Variants in KMT2C observed in about 807,000 individuals in gnomAD.
KMT2C encodes the protein lysine methyltransferase 2C, also known as histone-lysine N-methyltransferase 2C.
In KMT2C, 88 loss-of-function variants were observed where a neutral mutation model predicts 507.9. That is an observed-to-expected ratio of 0.17 (90% CI 0.15 to 0.21). The LOEUF (loss-of-function observed/expected upper bound fraction) is 0.21. Among genes scored for constraint, KMT2C ranks in the 10% least tolerant of loss-of-function variants. KMT2C has a pLI of 1.00. For missense variants in KMT2C, 4,954 were observed against 5,957.8 expected (o/e 0.83, Z 5.55); for synonymous variants, 2,049 against 2,080.8 (o/e 0.98, Z 0.42).
chr7:152,367,908 G>C (rs2097260420), intron 1 of KMT2C: 2 of 1,043,598 alleles, frequency 1.9e-6, no homozygotes, highest in Admixed American at 3.5e-5. Flanking sequence ...GCATGAAAAA[G>C]TGATTATCAT....
rs777891322 is a variant in KMT2C at position 152,146,582 on chromosome 7, C to G, written c.14031+17G>C. 6.2e-7 allele frequency: 1 copy of G among 1,613,432 alleles called. No homozygotes were observed. The highest frequency in any genetic ancestry group is 8.5e-7 in the Non-Finnish European group (1 of 1,179,508). ...AGGAAAGCAATTCCAATCTCAAAGC[C>G]TGACCAAGACACTCACTGATTCCGC... On this transcript the variant is annotated intron_variant, in intron 53 of 58. Transcript: ENST00000262189.
intron 6 of KMT2C, among the ~76,000 whole-genome samples, chr7:152,275,398 G>A (rs2096063957): frequency 6.6e-6 from 1 of 152,164 alleles, no homozygotes; most frequent in Non-Finnish European, 1.5e-5. Context: ...CAAAAAATTA[G>A]CCAGACGTGG....
Position 152,138,773 on chromosome 7 carries a change from G to A in KMT2C, c.14643+23C>T, listed in dbSNP as rs2129089139. On this transcript the variant is annotated intron_variant, in intron 58 of 58. Coordinates refer to ENST00000262189, the MANE Select transcript of KMT2C (RefSeq NM_170606.3). The surrounding 1 kb of genome is among the most constrained non-coding windows in gnomAD (Gnocchi z 4.2). ...CGCCCAGGATCTGAACAACATGGCA[G>A]ATGCAATCTCTCACACTCTTACCTC... 7.1e-7 allele frequency: 1 copy of A among 1,410,156 alleles called. No homozygotes were observed. The highest frequency in any genetic ancestry group is 1.4e-5 in the African/African-American group (1 of 70,182). 87.4% of individuals were successfully genotyped at this position (1,410,156 alleles called of 1,614,324 possible).
In KMT2C at chr7:152,176,573, C is replaced by A. The variant is rs138942112; in HGVS notation, c.8880G>T (p.Pro2960=). ...HVSSLPPFIA[P]PGRVLDNAMN... ...TGGCATTATCCAAAACACGGCCAGG[C>A]GGTGCTATGAAAGGAGGCAAACTTG... The change falls in exon 38 of 59, where the codon CCG becomes CCT. Residue 2960 remains proline, a synonymous_variant. Coordinates refer to ENST00000262189, the MANE Select transcript of KMT2C (RefSeq NM_170606.3). 7 of 1,614,090 alleles carry A rather than the reference C, an allele frequency of 4.3e-6. No homozygotes were observed. In the East Asian group the frequency reaches 1.1e-4, roughly 26 times the overall value.
At position 152,421,620 on chromosome 7, in the gene KMT2C, G is replaced by A. The variant is rs542269514; in HGVS notation, c.161+14006C>T. Among the ~76,000 whole-genome samples the A allele has an allele frequency of 6.0e-4, 92 of 152,290 alleles. 1 individual carries two copies. Among genetic ancestry groups the A allele is most frequent in the African/African-American group, 1.8e-3 (75 of 41,562 alleles). On this transcript the variant is annotated intron_variant, in intron 1 of 58. Transcript: ENST00000262189. ...TGGATGCAGTTGGAGGCCATTATTC[G>A]TAAGCGAATTAATTAACAGAAAGCC...
intron 9 of KMT2C, among the ~76,000 whole-genome samples, chr7:152,255,157 A>ATATATATATATATGTGTG (rs767823858): frequency 1.6e-5 from 2 of 128,372 alleles, no homozygotes; most frequent in African/African-American, 6.1e-5. Context: ...ATATATATAT[A>ATATATATATATATGTGTG]TGTGTGTGTG....
Position 152,394,349 on chromosome 7 carries a change from C to T in KMT2C, c.162-35674G>A, listed in dbSNP as rs1490423541. 5.3e-5 allele frequency among the ~76,000 whole-genome samples: 8 copies of T among 152,302 alleles called. No individual in the cohort carries two copies. In the South Asian group the frequency reaches 8.3e-4, roughly 16 times the overall value. On this transcript the variant is annotated intron_variant, in intron 1 of 58. Transcript: ENST00000262189. ...AGGCCCTGCACAATCTGACTCCCCA[C>T]GCTACTTCTCTTATGATGTTTTCTC...
At chr7:152,363,047 C>T (rs577161044) in intron 1 of KMT2C, among the ~76,000 whole-genome samples, 1 of 152,326 alleles carries the variant, frequency 6.6e-6, no homozygotes, top group Admixed American at 6.5e-5. Flanking sequence ...TAATCAAACA[C>T]TATATTCTGA....
Position 152,163,446 on chromosome 7 carries a change from A to C in KMT2C, c.10131T>G (p.Ser3377Arg). 6.2e-7 allele frequency: 1 copy of C among 1,614,098 alleles called. No homozygotes were observed. Among genetic ancestry groups the C allele is most frequent in the South Asian group, 1.1e-5 (1 of 91,082 alleles). Reference sequence around the variant, plus strand: ...CAAATTCTACCCGAGGTGGTGGTCCACTCTGTGGATTTGCATTTGAGACTG... The same window carrying C: ...CAAATTCTACCCGAGGTGGTGGTCCCCTCTGTGGATTTGCATTTGAGACTG... ...PGTVSNANPQSGPPPRVEFDD... is the reference protein window; with the variant it reads ...PGTVSNANPQRGPPPRVEFDD... The change falls in exon 43 of 59, where the codon AGT becomes AGG. Residue 3377 changes from serine to arginine, a missense_variant. Ser to Arg is a moderately radical substitution (Grantham distance 110). This residue lies in a region of KMT2C where 801 missense variants were observed against 751.2 expected (regional missense o/e 1.07). Transcript: ENST00000262189.
chr7:152,313,003 C>A (rs2096686877), intron 4 of KMT2C, among the ~76,000 whole-genome samples: 1 of 152,092 alleles, frequency 6.6e-6, no homozygotes, highest in South Asian at 2.1e-4. Flanking sequence ...AAAGTATTAA[C>A]ATATTTCAAT....
intron 1 of KMT2C, among the ~76,000 whole-genome samples, chr7:152,434,878 C>T (rs1444500530): frequency 6.6e-6 from 1 of 152,234 alleles, no homozygotes; most frequent in African/African-American, 2.4e-5. Flanking sequence ...GCACTCTCTC[C>T]GAATAAGTGC....
chr7:152,424,936 G>T lies in KMT2C; in HGVS notation c.161+10690C>A, dbSNP rs960417267. Among the ~76,000 whole-genome samples, 70 of 152,122 alleles carry T rather than the reference G, an allele frequency of 4.6e-4. 2 individuals are homozygous for T. Among genetic ancestry groups the T allele is most frequent in the Non-Finnish European group, 7.4e-5 (5 of 68,016 alleles). Reference sequence around the variant, plus strand: ...TCCCAAGAGTACAAAAGTAGAAGCTGCCTGACATGCTCAAGGCTTGTACCC... The same window carrying T: ...TCCCAAGAGTACAAAAGTAGAAGCTTCCTGACATGCTCAAGGCTTGTACCC... On this transcript the variant is annotated intron_variant, in intron 1 of 58. Coordinates refer to ENST00000262189, the MANE Select transcript of KMT2C (RefSeq NM_170606.3).
intron 3 of KMT2C, among the ~76,000 whole-genome samples, chr7:152,322,772 T>C (rs761646892): frequency 2.0e-5 from 3 of 151,768 alleles, no homozygotes; most frequent in Non-Finnish European, 4.4e-5. Context: ...ACCCACAGAA[T>C]GGGAGAAAAT....
chr7:152,237,369 C>A (rs1177812442), intron 15 of KMT2C, among the ~76,000 whole-genome samples: 1 of 152,156 alleles, frequency 6.6e-6, no homozygotes, highest in African/African-American at 2.4e-5. Flanking sequence ...ACAAATACAG[C>A]CAGCTCCCAG....
intron 6 of KMT2C, among the ~76,000 whole-genome samples, chr7:152,296,445 A>AG (rs1554622203): frequency 3.3e-4 from 50 of 149,574 alleles, no homozygotes; most frequent in Middle Eastern, 3.4e-3. Flanking sequence ...AAAAAAAAAA[A>AG]AGAGAGAGAG....
At chr7:152,424,012 T>C (rs2097794925) in intron 1 of KMT2C, among the ~76,000 whole-genome samples, 1 of 152,254 alleles carries the variant, frequency 6.6e-6, no homozygotes, top group Non-Finnish European at 1.5e-5. Flanking sequence ...TATTTCAAAA[T>C]ACTTTAGAAA....
Position 152,315,328 on chromosome 7 carries a change from A to T in KMT2C, c.400T>A (p.Cys134Ser), listed in dbSNP as rs755920056. Residue 134 changes from cysteine to serine, a missense_variant, in exon 4 of 59, where the codon TGC becomes AGC. Cys to Ser is a moderately radical substitution (Grantham distance 112). This residue lies in a region of KMT2C where 233 missense variants were observed against 263.6 expected (regional missense o/e 0.88). Transcript: ENST00000262189. ...TTTTCCCCACAGTAACAAAAAGCGC[A>T]GAGCTGTTCACTAGTAAAAATGAAA... is the stretch of plus-strand genomic sequence containing the variant. ...GVEAKISEQL[C>S]AFCYCGEKSS... is the part of the protein sequence containing the mutation. 1 of 1,613,322 alleles carries T rather than the reference A, an allele frequency of 6.2e-7. No individual in the cohort carries two copies. The highest frequency in any genetic ancestry group is 8.5e-7 in the Non-Finnish European group (1 of 1,179,452).
rs2129138453 is a variant in KMT2C, at chr7:152,207,292, C to G, written c.3841+8G>C. ...ATGATATTGAAATGTCTACCTCAGGCACTATACCTGGTCTGTATGGTTTCC... is the reference window on the plus strand; with the variant it reads ...ATGATATTGAAATGTCTACCTCAGGGACTATACCTGGTCTGTATGGTTTCC... On this transcript the variant is annotated splice_region_variant and intron_variant, in intron 24 of 58. Transcript: ENST00000262189. The G allele has an allele frequency of 1.3e-6, 2 of 1,540,194 alleles. No individual in the cohort carries two copies. The highest frequency in any genetic ancestry group is 1.8e-6 in the Non-Finnish European group (2 of 1,138,598).
chr7:152,191,245 T>C (rs2093783206), intron 31 of KMT2C, among the ~76,000 whole-genome samples: 1 of 152,202 alleles, frequency 6.6e-6, no homozygotes, highest in Non-Finnish European at 1.5e-5. Flanking sequence ...ATAGTGTATA[T>C]GTCCCATTTC....
Sources: gnomAD v4.1 joint callset for allele counts (sites outside exome capture counted in the v4.1 genomes callset) on GRCh38, gnomAD v4.1.1 for gene constraint, gnomAD v4.1.1 regional missense constraint, Gnocchi (gnomAD v3.1) non-coding constraint, MANE v1.5 for transcripts, NCBI Gene and HGNC (gene_info 2026-07-23, HGNC 2026-07-21) for gene names.